The following PCBD2 variants were observed in gnomAD, a reference collection of about 807,000 sequenced individuals.
The protein encoded by PCBD2 is pterin-4-alpha-carbinolamine dehydratase 2.
PCBD2 carries 12 observed loss-of-function variants against 16.4 expected under a neutral mutation model. The observed-to-expected ratio is 0.73, with a 90% CI of 0.47 to 1.19. The LOEUF is 1.19. Among genes scored for constraint, PCBD2 ranks in the 50% most tolerant of loss-of-function variants. The probability of loss-of-function intolerance (pLI) is 0.00; values close to 1 mark genes in which losing one functional copy is unlikely to be tolerated. For synonymous variants in PCBD2, 58 were observed against 61.8 expected (o/e 0.94, Z 0.29); for missense variants, 138 against 156.8 (o/e 0.88, Z 0.64).
intron 2 of PCBD2, among the ~76,000 whole-genome samples, chr5:134,914,620 C>A (rs138581321): frequency 3.2e-3 from 487 of 151,532 alleles, no homozygotes; most frequent in Middle Eastern, 0.01. Flanking sequence ...TAGGGAAGTA[C>A]AGTTGTGATG....
At chr5:134,911,716 T>A (rs1312680075) in intron 2 of PCBD2, among the ~76,000 whole-genome samples, 1 of 152,234 alleles carries the variant, frequency 6.6e-6, no homozygotes, top group Non-Finnish European at 1.5e-5. Flanking sequence ...TCCACTGAGC[T>A]GCATGCCCGA....
chr5:134,941,473 A>G (rs1220816284), intron 2 of PCBD2, among the ~76,000 whole-genome samples: 1 of 152,228 alleles, frequency 6.6e-6, no homozygotes, highest in Non-Finnish European at 1.5e-5. Flanking sequence ...CTGAAACTGC[A>G]ATGTATGTTG....
chr5:134,906,240 G>A (rs1750688441), intron 1 of PCBD2, among the ~76,000 whole-genome samples: 1 of 94,176 alleles, frequency 1.1e-5, no homozygotes, highest in Non-Finnish European at 1.9e-5. Context: ...GAATCACGCC[G>A]TCACCCAGGC....
chr5:134,927,921 A>T (rs1409082710), intron 2 of PCBD2: 3 of 396,864 alleles, frequency 7.6e-6, no homozygotes, highest in East Asian at 3.6e-5. Flanking sequence ...GAAAAATAGT[A>T]GGGGGATGGT....
chr5:134,951,128 C>T (rs1305169575), intron 2 of PCBD2, among the ~76,000 whole-genome samples: 4 of 152,150 alleles, frequency 2.6e-5, no homozygotes, highest in Non-Finnish European at 5.9e-5. Flanking sequence ...GGAAGTCTTC[C>T]TGTTTGTGAT....
At chr5:134,944,111 A>G (rs1751263963) in intron 2 of PCBD2, among the ~76,000 whole-genome samples, 1 of 152,150 alleles carries the variant, frequency 6.6e-6, no homozygotes, top group African/African-American at 2.4e-5. Context: ...GATTTAAAAT[A>G]TTTTCAGTGA....
chr5:134,911,109 A>G (rs1422145280), intron 2 of PCBD2, among the ~76,000 whole-genome samples: 1 of 152,212 alleles, frequency 6.6e-6, no homozygotes, highest in African/African-American at 2.4e-5. Flanking sequence ...TACTTATCAG[A>G]AAGGGGCATG....
At chr5:134,906,788 C>A (rs1750696302) in intron 1 of PCBD2, among the ~76,000 whole-genome samples, 1 of 152,148 alleles carries the variant, frequency 6.6e-6, no homozygotes, top group Non-Finnish European at 1.5e-5. Flanking sequence ...CAGAAGGATC[C>A]CGGAATTCAG....
chr5:134,911,677 G>A (rs150858133), intron 2 of PCBD2, among the ~76,000 whole-genome samples: 3 of 152,116 alleles, frequency 2.0e-5, no homozygotes, highest in East Asian at 1.9e-4. Flanking sequence ...AGAAACCTTC[G>A]GCATGTTTTC....
chr5:134,922,764 G>C (rs1001759283), intron 2 of PCBD2, among the ~76,000 whole-genome samples: 1 of 151,478 alleles, frequency 6.6e-6, no homozygotes, highest in Non-Finnish European at 1.5e-5. Flanking sequence ...CTGGGTTCAC[G>C]CTATTCTCCT....
At position 134,905,243 on chromosome 5, in the gene PCBD2, G is replaced by C. The variant is rs1750669699; in HGVS notation, c.84+20G>C. The stretch of plus-strand genomic sequence containing the variant: ...GCCATGGTGAGTGCACAGCGGCCGC[G>C]TGGGTGGGGGTCCGGGGTCGGGGGG... On this transcript the variant is annotated intron_variant, in intron 1 of 3. Coordinates refer to ENST00000254908, the MANE Select transcript of PCBD2 (RefSeq NM_032151.5). 18 of 1,222,900 alleles carry C rather than the reference G, an allele frequency of 1.5e-5. No individual in the cohort carries two copies. The highest frequency in any genetic ancestry group is 1.7e-5 in the Non-Finnish European group (17 of 982,218). The allele number at this position is 1,222,900 out of a possible 1,614,324, so 75.8% of individuals were successfully genotyped here.
intron 2 of PCBD2, among the ~76,000 whole-genome samples, chr5:134,947,321 G>C (rs933956125): frequency 2.6e-5 from 4 of 151,420 alleles, no homozygotes; most frequent in Non-Finnish European, 5.9e-5. Context: ...TCAAACCCCT[G>C]ACCTCAGGTA....
intron 2 of PCBD2, among the ~76,000 whole-genome samples, chr5:134,942,973 A>G (rs938339453): frequency 6.6e-6 from 1 of 152,204 alleles, no homozygotes; most frequent in African/African-American, 2.4e-5. Flanking sequence ...TCATTTATTA[A>G]TTTCCTTATT....
chr5:134,908,967 C>G (rs1471825470), intron 1 of PCBD2: 1 of 152,202 alleles, frequency 6.6e-6, no homozygotes, highest in Non-Finnish European at 1.5e-5. Context: ...GTGACAGCCT[C>G]TCTCTCACCT....
chr5:134,923,590 G>A lies in PCBD2; in HGVS notation c.216+13124G>A, dbSNP rs1041335292. 4.4e-5 allele frequency: 15 copies of A among 342,048 alleles called. No homozygotes were observed. The Admixed American group carries it at 7.2e-4, about 16-fold the overall frequency. The allele number at this position is 342,048 out of a possible 1,614,324, so 21.2% of individuals were successfully genotyped here. On this transcript the variant is annotated intron_variant, in intron 2 of 3. Transcript: ENST00000254908. ...TGGACCAGATCTGTTCCGATGTATG[G>A]GACGGCGGATAGCAGGTTTGTAATT...
At chr5:134,916,580 AT>A (rs1750835913) in intron 2 of PCBD2, among the ~76,000 whole-genome samples, 3 of 152,234 alleles carry the variant, frequency 2.0e-5, no homozygotes, top group African/African-American at 7.2e-5. Flanking sequence ...GCTTTGAGTT[AT>A]TCCAGGTTTA....
In PCBD2 at chr5:134,937,903, T is replaced by C. The variant is rs138205396; in HGVS notation, c.217-21137T>C. Among the ~76,000 whole-genome samples the C allele has an allele frequency of 5.6e-3, 856 of 152,354 alleles. 8 individuals are homozygous for C. Among genetic ancestry groups the C allele is most frequent in the Non-Finnish European group, 9.3e-3 (635 of 68,032 alleles). ...TTTTTCATAAAATGGCAAACCATCT[T>C]ATACATGTTATTTAATTTTATTTTT... is the stretch of plus-strand genomic sequence containing the variant. On this transcript the variant is annotated intron_variant, in intron 2 of 3. Coordinates refer to ENST00000254908, the MANE Select transcript of PCBD2 (RefSeq NM_032151.5).
intron 2 of PCBD2, 21 bp downstream of exon 2, chr5:134,910,487 C>G: frequency 5.0e-6 from 8 of 1,612,724 alleles, no homozygotes; most frequent in Non-Finnish European, 5.9e-6. Flanking sequence ...TAAATTCTTG[C>G]TAGGGCTGTG....
chr5:134,932,185 TTTA>T (rs1408523776), intron 2 of PCBD2, among the ~76,000 whole-genome samples: 1 of 152,154 alleles, frequency 6.6e-6, no homozygotes, highest in Non-Finnish European at 1.5e-5. Context: ...TTTGTTTCTT[TTTA>T]TTATTTTTTA....
Sources: gnomAD v4.1 joint callset for allele counts (sites outside exome capture counted in the v4.1 genomes callset) on GRCh38, gnomAD v4.1.1 for gene constraint, MANE v1.5 for transcripts, NCBI Gene and HGNC (gene_info 2026-07-23, HGNC 2026-07-21) for gene names.